Variants in IL12B observed in about 807,000 individuals in gnomAD.
IL12B encodes the protein interleukin 12B.
IL12B carries 27 observed loss-of-function variants against 39.2 expected under a neutral mutation model. The ratio of observed to expected loss-of-function variants is 0.69; its 90% CI spans 0.51 to 0.95. The LOEUF is 0.95. Ranked by LOEUF, IL12B falls within the 40% of genes least tolerant of loss-of-function variation. The pLI, the probability that IL12B is intolerant of heterozygous loss-of-function variation, is 0.00. For synonymous variants in IL12B, 142 were observed against 152.1 expected, an observed-to-expected ratio of 0.93 and a Z score of 0.49; for missense variants, 351 against 397.6, an observed-to-expected ratio of 0.88 and a Z score of 1.00.
chr5:159,322,298 A>T, intron 4 of IL12B, 96 bp downstream of exon 4: 1 of 842,636 alleles, frequency 1.2e-6, no homozygotes, highest in Non-Finnish European at 2.1e-6. Flanking sequence ...TGCTTTTCCC[A>T]TTATCATTAA....
rs1754112060 is a variant in IL12B at position 159,322,630 on chromosome 5, T to C, written c.365-119A>G. Reference sequence around the variant, plus strand: ...TGAAGTTCTTCCATGCGTTGCCTCTTGGGTAGCTCCATAAGGATTGGGAGT... The same window carrying C: ...TGAAGTTCTTCCATGCGTTGCCTCTCGGGTAGCTCCATAAGGATTGGGAGT... On this transcript the variant is annotated intron_variant, in intron 3 of 7. Coordinates refer to ENST00000231228, the MANE Select transcript of IL12B (RefSeq NM_002187.3). 4 of 738,502 alleles carry C rather than the reference T, an allele frequency of 5.4e-6. No homozygotes were observed. The South Asian group carries it at 5.8e-5, about 11-fold the overall frequency. The allele number at this position is 738,502 out of a possible 1,614,324, so 45.7% of individuals were successfully genotyped here.
chr5:159,328,033 CT>C (rs1358721153), intron 1 of IL12B, among the ~76,000 whole-genome samples: 1 of 152,230 alleles, frequency 6.6e-6, no homozygotes, highest in Non-Finnish European at 1.5e-5. Context: ...CAATGCTCAA[CT>C]GTTTCAGTCA....
In IL12B at chr5:159,323,087, T is replaced by C. The variant is rs773815651; in HGVS notation, c.331A>G (p.Ile111Val). The change falls in exon 3 of 8, where the codon ATT becomes GTT. Residue 111 changes from isoleucine (I) to valine (V), a missense_variant. Coordinates refer to ENST00000231228, the MANE Select transcript of IL12B (RefSeq NM_002187.3). ...TCCTTTAAAATATCAGTGGACCAAA[T>C]TCCATCTTCCTTTTTGTGAAGCAGC... Reference protein sequence around the residue: ...LLLLHKKEDGIWSTDILKDQK... With the variant: ...LLLLHKKEDGVWSTDILKDQK... The C allele has an allele frequency of 6.2e-7, 1 of 1,614,162 alleles. No individual in the cohort carries two copies. Among genetic ancestry groups the C allele is most frequent in the South Asian group, 1.1e-5 (1 of 91,082 alleles).
At chr5:159,328,407 A>G (rs931684063) in intron 1 of IL12B, among the ~76,000 whole-genome samples, 4 of 152,188 alleles carry the variant, frequency 2.6e-5, no homozygotes, top group Non-Finnish European at 4.4e-5. Context: ...TTGTTGGCCA[A>G]GTTACTCGCT....
intron 2 of IL12B, 45 bp downstream of exon 2, chr5:159,326,650 G>T: frequency 7.3e-7 from 1 of 1,375,988 alleles, no homozygotes; most frequent in Non-Finnish European, 1.0e-6. Flanking sequence ...AAGAGTCCTG[G>T]CTTAGAAGTG....
At chr5:159,326,215 G>A (rs748995686) in intron 2 of IL12B, among the ~76,000 whole-genome samples, 9 of 152,156 alleles carry the variant, frequency 5.9e-5, no homozygotes, top group Non-Finnish European at 1.2e-4. Context: ...ACCAGTCATT[G>A]ACAGACCTAG....
rs56369079 is a variant in IL12B at position 159,320,519 on chromosome 5, A to G, written c.484T>C (p.Ser162Pro). The G allele has an allele frequency of 6.2e-7, 1 of 1,613,576 alleles. No homozygotes were observed. Among genetic ancestry groups the G allele is most frequent in the Non-Finnish European group, 8.5e-7 (1 of 1,179,560 alleles). Residue 162 changes from serine (S) to proline (P), a missense_variant and splice_region_variant, in exon 5 of 8, where the codon TCT (serine) becomes CCT (proline). By Grantham distance (74) the Ser-to-Pro change is moderately conservative (BLOSUM62 -1). Transcript: ENST00000231228. ...LTFSVKSSRG[S>P]SDPQGVTCGA... Reference sequence around the variant, plus strand: ...CACGTCACCCCTTGGGGGTCAGAAGAGCTGAAGTCAAAGACAGAAATTAGC... The same window carrying G: ...CACGTCACCCCTTGGGGGTCAGAAGGGCTGAAGTCAAAGACAGAAATTAGC...
intron 6 of IL12B, 75 bp from the exon 7 acceptor site, chr5:159,316,891 T>C: frequency 6.5e-7 from 1 of 1,538,644 alleles, no homozygotes; most frequent in South Asian, 1.1e-5. Flanking sequence ...GTTTCTGCAA[T>C]GCATACTCTC....
chr5:159,326,671 A>C, intron 2 of IL12B, 24 bp downstream of exon 2: 14 of 1,544,582 alleles, frequency 9.1e-6, no homozygotes, highest in Non-Finnish European at 9.9e-6. Flanking sequence ...GGGCCTCCAC[A>C]GAGAATAATG....
At chr5:159,316,629 T>C (rs1753993746) in intron 7 of IL12B, 56 bp downstream of exon 7, 8 of 1,572,964 alleles carry the variant, frequency 5.1e-6, no homozygotes, top group Non-Finnish European at 3.5e-6. Flanking sequence ...ATCATATCCC[T>C]GCATCCAGGT....
intron 2 of IL12B, 87 bp from the exon 3 acceptor site, chr5:159,323,416 G>T: frequency 1.6e-6 from 2 of 1,236,558 alleles, no homozygotes; most frequent in Non-Finnish European, 2.3e-6. Flanking sequence ...CATCCCCATT[G>T]CCTAAACACA....
intron 4 of IL12B, among the ~76,000 whole-genome samples, chr5:159,321,004 C>CTTTT (rs200905119): frequency 7.0e-6 from 1 of 142,134 alleles, no homozygotes. Context: ...CTCTCTCTCT[C>CTTTT]TTTTTTTTTT....
At chr5:159,327,176 T>C (rs536424729) in intron 1 of IL12B, among the ~76,000 whole-genome samples, 2 of 152,310 alleles carry the variant, frequency 1.3e-5, no homozygotes, top group East Asian at 1.9e-4. Flanking sequence ...TAGTGCTTAC[T>C]ACATAAAGAG....
chr5:159,320,193 G>A, intron 5 of IL12B, 113 bp downstream of exon 5: 1 of 895,920 alleles, frequency 1.1e-6, no homozygotes, highest in Non-Finnish European at 1.8e-6. Flanking sequence ...TTTGGATGCA[G>A]AATAAAAGAG....
intron 6 of IL12B, among the ~76,000 whole-genome samples, chr5:159,317,432 G>C (rs1754007385): frequency 6.6e-6 from 1 of 152,200 alleles, no homozygotes; most frequent in Non-Finnish European, 1.5e-5. Flanking sequence ...TACTTGCCAA[G>C]ATGTAAAATA....
intron 2 of IL12B, 76 bp downstream of exon 2, chr5:159,326,619 A>G (rs1169746227): frequency 9.4e-7 from 1 of 1,060,492 alleles, no homozygotes; most frequent in Non-Finnish European, 1.5e-6. Flanking sequence ...TTTCAGTTTG[A>G]TTTCCCACCA....
In IL12B at chr5:159,315,537, G is replaced by C. The variant is rs957266336; in HGVS notation, c.*564C>G. ...GAAGTCTTCACAGACATGGGAACTA[G>C]CATCTTGTTCTCCTGGATCTTCTCA... On this transcript the variant is annotated 3_prime_UTR_variant, in exon 8 of 8. Transcript: ENST00000231228. The C allele has an allele frequency of 6.6e-6, 1 of 152,604 alleles. No individual in the cohort carries two copies. The highest frequency in any genetic ancestry group is 1.5e-5 in the Non-Finnish European group (1 of 68,052). 9.5% of individuals were successfully genotyped at this position (152,604 alleles called of 1,614,324 possible).
chr5:159,324,908 T>C (rs564863415), intron 2 of IL12B, among the ~76,000 whole-genome samples: 3 of 152,286 alleles, frequency 2.0e-5, no homozygotes, highest in South Asian at 2.1e-4. Context: ...TCAAAAGCAT[T>C]TGGGGTCCAA....
rs1457388380 is a variant in IL12B at position 159,326,686 on chromosome 5, G to A, written c.88+9C>T. 1.3e-6 allele frequency: 2 copies of A among 1,595,980 alleles called. No individual in the cohort carries two copies. Among genetic ancestry groups the A allele is most frequent in the East Asian group, 2.2e-5 (1 of 44,788 alleles). ...GGGCCTCCACAGAGAATAATGAGAGGCTGGTTACCATCTTTCTTCAGTTCC... is the reference window on the plus strand; with the variant it reads ...GGGCCTCCACAGAGAATAATGAGAGACTGGTTACCATCTTTCTTCAGTTCC... On this transcript the variant is annotated intron_variant, in intron 2 of 7. Coordinates refer to ENST00000231228, the MANE Select transcript of IL12B (RefSeq NM_002187.3).
Sources: allele counts gnomAD v4.1 joint callset (sites outside exome capture counted in the v4.1 genomes callset), GRCh38; gene constraint gnomAD v4.1.1; transcripts MANE v1.5; gene names NCBI Gene and HGNC (gene_info 2026-07-23, HGNC 2026-07-21).